The following IQCM variants were observed in gnomAD, a reference collection of about 807,000 sequenced individuals.
The protein encoded by IQCM is IQ domain-containing protein M.
Under a neutral mutation model 57.6 loss-of-function variants are expected in IQCM, and 45 were observed. That is an observed-to-expected ratio of 0.78 (90% CI 0.62 to 1.00). The LOEUF (loss-of-function observed/expected upper bound fraction) is 1.00. Ranked by LOEUF, IQCM falls within the 50% of genes least tolerant of loss-of-function variation. The pLI, the probability that IQCM is intolerant of heterozygous loss-of-function variation, is 0.00. For missense variants in IQCM, 468 were observed against 511.6 expected (o/e 0.91, Z 0.82); for synonymous variants, 148 against 158.9 (o/e 0.93, Z 0.51).
chr4:149,454,490 G>T (rs1375243736), intron 12 of IQCM, among the ~76,000 whole-genome samples: 1 of 151,552 alleles, frequency 6.6e-6, no homozygotes, highest in Non-Finnish European at 1.5e-5. Flanking sequence ...AGGAGGGTGA[G>T]GATCAAAAAA....
chr4:149,408,432 T>C (rs938354976), intron 13 of IQCM, among the ~76,000 whole-genome samples: 2 of 152,200 alleles, frequency 1.3e-5, no homozygotes, highest in African/African-American at 4.8e-5. Flanking sequence ...TGAATTTAAA[T>C]GAACAAAACT....
At chr4:149,415,771 C>T (rs756768140) in intron 13 of IQCM, among the ~76,000 whole-genome samples, 1 of 151,986 alleles carries the variant, frequency 6.6e-6, no homozygotes, top group Non-Finnish European at 1.5e-5. Flanking sequence ...CTCATCTATT[C>T]AGAGTCAGAG....
At chr4:149,692,247 A>G (rs1308664951) in intron 5 of IQCM, among the ~76,000 whole-genome samples, 2 of 152,132 alleles carry the variant, frequency 1.3e-5, no homozygotes, top group Non-Finnish European at 2.9e-5. Flanking sequence ...ATGTAGGGGG[A>G]AAATAAGTCT....
intron 7 of IQCM, among the ~76,000 whole-genome samples, chr4:149,670,669 G>C (rs1355004008): frequency 6.6e-6 from 1 of 152,122 alleles, no homozygotes; most frequent in Admixed American, 6.5e-5. Context: ...CTAGTTTATT[G>C]AGAGTTTTTA....
At chr4:149,790,631 A>C (rs1473111063) in intron 2 of IQCM, among the ~76,000 whole-genome samples, 1 of 152,230 alleles carries the variant, frequency 6.6e-6, no homozygotes, top group East Asian at 1.9e-4. Context: ...TGTATAAAAA[A>C]ACTGTAGAGT....
chr4:149,364,089 T>G (rs572946307), intron 13 of IQCM, among the ~76,000 whole-genome samples: 6 of 152,110 alleles, frequency 3.9e-5, no homozygotes, highest in African/African-American at 1.4e-4. Context: ...TTTAAGGAGA[T>G]AAAAACTGAA....
chr4:149,750,210 G>A (rs1158716460), intron 2 of IQCM, among the ~76,000 whole-genome samples: 1 of 152,088 alleles, frequency 6.6e-6, no homozygotes, highest in Non-Finnish European at 1.5e-5. Flanking sequence ...TAAGTACTTT[G>A]ATACAAAGTG....
intron 5 of IQCM, among the ~76,000 whole-genome samples, chr4:149,686,824 T>C (rs1713188227): frequency 1.3e-5 from 2 of 151,444 alleles, no homozygotes; most frequent in Admixed American, 6.6e-5. Context: ...TCACAAAGCT[T>C]AGTTCTTACA....
At chr4:149,386,500 C>A (rs1317289916) in intron 13 of IQCM, among the ~76,000 whole-genome samples, 1 of 151,952 alleles carries the variant, frequency 6.6e-6, no homozygotes, top group Non-Finnish European at 1.5e-5. Flanking sequence ...AAAAGGTATA[C>A]TTTTAAAAAG....
At chr4:149,381,628 C>T (rs116201080) in intron 13 of IQCM, among the ~76,000 whole-genome samples, 183 of 152,220 alleles carry the variant, frequency 1.2e-3, no homozygotes, top group African/African-American at 4.0e-3. Context: ...CAAATGTCAA[C>T]TTCTGAGTGC....
chr4:149,756,316 C>T (rs1285792821), intron 2 of IQCM, among the ~76,000 whole-genome samples: 1 of 152,094 alleles, frequency 6.6e-6, no homozygotes, highest in Non-Finnish European at 1.5e-5. Context: ...AGGATGGCAA[C>T]TTTGATAAAA....
At chr4:149,591,787 C>G (rs1456835414) in intron 8 of IQCM, among the ~76,000 whole-genome samples, 1 of 152,012 alleles carries the variant, frequency 6.6e-6, no homozygotes. Context: ...TGAACTCATC[C>G]TTTTTTATGT....
chr4:149,780,009 G>T (rs1379138585), intron 2 of IQCM, among the ~76,000 whole-genome samples: 3 of 152,062 alleles, frequency 2.0e-5, no homozygotes, highest in African/African-American at 7.2e-5. Context: ...AAATGGATTT[G>T]AAGGAAAGAT....
chr4:149,663,990 C>G (rs1760460595), intron 7 of IQCM, among the ~76,000 whole-genome samples: 1 of 152,044 alleles, frequency 6.6e-6, no homozygotes, highest in African/African-American at 2.4e-5. Context: ...TTCCCTAAGT[C>G]CCATAGGCTT....
At chr4:149,437,041 T>C (rs773753975) in intron 12 of IQCM, among the ~76,000 whole-genome samples, 1 of 152,124 alleles carries the variant, frequency 6.6e-6, no homozygotes, top group Non-Finnish European at 1.5e-5. Flanking sequence ...ATAGGGAGGT[T>C]ACAGGGCATT....
intron 13 of IQCM, among the ~76,000 whole-genome samples, chr4:149,378,226 C>T (rs568429410): frequency 6.6e-6 from 1 of 152,148 alleles, no homozygotes; most frequent in East Asian, 1.9e-4. Flanking sequence ...TGGACTAACA[C>T]AGTAAATTGG....
At chr4:149,378,679 G>A (rs1730864784) in intron 13 of IQCM, among the ~76,000 whole-genome samples, 1 of 152,136 alleles carries the variant, frequency 6.6e-6, no homozygotes, top group Admixed American at 6.5e-5. Context: ...TATAAGGGAA[G>A]CACAGCATAA....
intron 7 of IQCM, among the ~76,000 whole-genome samples, chr4:149,639,415 G>C (rs1757994713): frequency 6.9e-6 from 1 of 145,860 alleles, no homozygotes; most frequent in Non-Finnish European, 1.5e-5. Context: ...AACAGAGTGA[G>C]ATCCTGTCTT....
chr4:149,725,228 G>T (rs1765787505), intron 5 of IQCM, among the ~76,000 whole-genome samples: 1 of 152,096 alleles, frequency 6.6e-6, no homozygotes, highest in Non-Finnish European at 1.5e-5. Flanking sequence ...TAATGCAACT[G>T]AATTTGTCTG....
Sources: allele counts gnomAD v4.1 joint callset (sites outside exome capture counted in the v4.1 genomes callset), GRCh38; gene constraint gnomAD v4.1.1; transcripts MANE v1.5; gene names NCBI Gene and HGNC (gene_info 2026-07-23, HGNC 2026-07-21).